CSMD3: variants seen among roughly 807,000 people sequenced by gnomAD.
The protein encoded by CSMD3 is CUB and Sushi multiple domains 3.
In CSMD3, 177 loss-of-function variants were observed where a neutral mutation model predicts 435.2. The ratio of observed to expected loss-of-function variants is 0.41; its 90% CI spans 0.36 to 0.46. The LOEUF (loss-of-function observed/expected upper bound fraction) is 0.46. Among genes scored for constraint, CSMD3 ranks in the 20% least tolerant of loss-of-function variants. The pLI, the probability that CSMD3 is intolerant of heterozygous loss-of-function variation, is 0.34. For missense variants in CSMD3, 4,265 were observed against 4,504.6 expected (o/e 0.95, Z 1.52); for synonymous variants, 1,656 against 1,520.5 (o/e 1.09, Z -2.07).
chr8:113,358,146 A>C (rs1428785614), intron 1 of CSMD3, among the ~76,000 whole-genome samples: 4 of 152,320 alleles, frequency 2.6e-5, no homozygotes, highest in East Asian at 1.9e-4. Flanking sequence ...GTTTATTTGG[A>C]TATTATATGC....
At chr8:112,452,252 C>T (rs573073037) in intron 32 of CSMD3, among the ~76,000 whole-genome samples, 2 of 152,140 alleles carry the variant, frequency 1.3e-5, no homozygotes, top group Non-Finnish European at 2.9e-5. Context: ...TTATTCAGTA[C>T]TGGATTCTAG....
At chr8:112,983,934 C>A (rs918847112) in intron 6 of CSMD3, among the ~76,000 whole-genome samples, 9 of 151,772 alleles carry the variant, frequency 5.9e-5, no homozygotes, top group African/African-American at 1.7e-4. Context: ...AAACACAGGC[C>A]AAAAACGTCT....
At chr8:112,712,937 A>G (rs2131928561) in intron 13 of CSMD3, among the ~76,000 whole-genome samples, 1 of 152,256 alleles carries the variant, frequency 6.6e-6, no homozygotes. Context: ...TTAAAAATAG[A>G]TTCTAAGGGG....
chr8:112,559,688 C>T (rs1828440271), intron 24 of CSMD3, among the ~76,000 whole-genome samples: 1 of 151,800 alleles, frequency 6.6e-6, no homozygotes, highest in Non-Finnish European at 1.5e-5. Flanking sequence ...TCTGAAGGAA[C>T]TGGAAAAGGA....
chr8:112,247,442 G>C (rs768503566), intron 63 of CSMD3, among the ~76,000 whole-genome samples: 10 of 151,962 alleles, frequency 6.6e-5, no homozygotes, highest in Non-Finnish European at 1.5e-4. Context: ...AGCTACATAT[G>C]AATACAAGAT....
At chr8:112,402,752 GTTA>G (rs910136991) in intron 35 of CSMD3, among the ~76,000 whole-genome samples, 3 of 152,118 alleles carry the variant, frequency 2.0e-5, no homozygotes, top group African/African-American at 4.8e-5. Flanking sequence ...TTTGAAGAGA[GTTA>G]TTATTATGTG....
chr8:113,132,763 C>T (rs2091316058), intron 4 of CSMD3, among the ~76,000 whole-genome samples: 2 of 152,076 alleles, frequency 1.3e-5, no homozygotes, highest in Admixed American at 1.3e-4. Context: ...ACAGGAAATG[C>T]CCAATGAGAC....
chr8:113,186,003 T>G (rs2092494928), intron 3 of CSMD3, among the ~76,000 whole-genome samples: 1 of 152,034 alleles, frequency 6.6e-6, no homozygotes, highest in South Asian at 2.1e-4. Context: ...CCATTCTTAT[T>G]GACATTATGT....
At chr8:112,448,105 G>A (rs1482681588) in intron 32 of CSMD3, among the ~76,000 whole-genome samples, 3 of 152,130 alleles carry the variant, frequency 2.0e-5, no homozygotes, top group Non-Finnish European at 4.4e-5. Context: ...CAGTTTTGGA[G>A]GCTAAACATC....
At chr8:112,264,418 A>G (rs932005669) in intron 60 of CSMD3, among the ~76,000 whole-genome samples, 1 of 152,078 alleles carries the variant, frequency 6.6e-6, no homozygotes, top group Non-Finnish European at 1.5e-5. Flanking sequence ...GACAGGTTGG[A>G]TAAGATAGAG....
Position 112,682,457 on chromosome 8 carries a change from T to G in CSMD3, c.2662A>C (p.Ile888Leu), listed in dbSNP as rs778797634. 6.2e-7 allele frequency: 1 copy of G among 1,611,988 alleles called. No homozygotes were observed. Among genetic ancestry groups the G allele is most frequent in the Non-Finnish European group, 8.5e-7 (1 of 1,179,566 alleles). The change falls in exon 16 of 71, where the codon ATT becomes CTT. Residue 888 changes from isoleucine to leucine, a missense_variant. Physicochemically the swap from Ile to Leu is conservative, Grantham distance 5. This residue lies in a region of CSMD3 where 279 missense variants were observed against 369.0 expected (regional missense o/e 0.76). Transcript: ENST00000297405. ...CTACACTTACCTCCACATTTTGGAA[T>G]CAGTCCACTCCACATTACTTTTCCA... The part of the protein sequence containing the change: ...MDGKVMWSGL[I>L]PKCGAPCGGH...
At chr8:112,774,278 T>C (rs1031938424) in intron 13 of CSMD3, among the ~76,000 whole-genome samples, 3 of 151,986 alleles carry the variant, frequency 2.0e-5, no homozygotes, top group Non-Finnish European at 2.9e-5. Context: ...ACCAAATCTA[T>C]CAAAATTTAT....
intron 58 of CSMD3, among the ~76,000 whole-genome samples, chr8:112,281,811 T>A (rs1219418437): frequency 6.6e-6 from 1 of 152,184 alleles, no homozygotes; most frequent in Admixed American, 6.6e-5. Flanking sequence ...CTATGTATAT[T>A]TTTGTTTGTA....
chr8:113,168,247 C>A (rs1047505715), intron 4 of CSMD3, among the ~76,000 whole-genome samples: 2 of 151,956 alleles, frequency 1.3e-5, no homozygotes, highest in African/African-American at 4.8e-5. Flanking sequence ...AGATTTTAGA[C>A]TGGACGTGGT....
At chr8:113,069,037 A>G (rs1238059322) in intron 5 of CSMD3, among the ~76,000 whole-genome samples, 1 of 81,972 alleles carries the variant, frequency 1.2e-5, no homozygotes, top group Non-Finnish European at 2.1e-5. Context: ...GTGAACAAAA[A>G]CAAACCAAAA....
intron 1 of CSMD3, among the ~76,000 whole-genome samples, chr8:113,361,736 G>A (rs1206837985): frequency 1.3e-5 from 2 of 151,902 alleles, no homozygotes; most frequent in Admixed American, 6.6e-5. Flanking sequence ...TTAGGCAACT[G>A]AGCATTTATG....
At chr8:112,842,487 G>C in intron 11 of CSMD3, among the ~76,000 whole-genome samples, 1 of 151,738 alleles carries the variant, frequency 6.6e-6, no homozygotes, top group East Asian at 1.9e-4. Context: ...TATTAGTGTT[G>C]TTGGTGGTGG....
intron 2 of CSMD3, among the ~76,000 whole-genome samples, chr8:113,281,697 G>A (rs191909110): frequency 1.3e-4 from 20 of 151,856 alleles, no homozygotes; most frequent in African/African-American, 4.1e-4. Flanking sequence ...TGCATACATC[G>A]TGCACTTTGT....
chr8:112,846,821 C>CA (rs888181181), intron 11 of CSMD3, among the ~76,000 whole-genome samples: 64 of 150,902 alleles, frequency 4.2e-4, no homozygotes, highest in African/African-American at 1.2e-3. Context: ...ACCATTTGAA[C>CA]AAAAAAAATA....
Sources: allele counts gnomAD v4.1 joint callset (sites outside exome capture counted in the v4.1 genomes callset), GRCh38; gene constraint gnomAD v4.1.1; regional missense constraint gnomAD v4.1.1; transcripts MANE v1.5; gene names NCBI Gene and HGNC (gene_info 2026-07-23, HGNC 2026-07-21).